ZFPM1: variants seen among roughly 807,000 people sequenced by gnomAD.
ZFPM1 encodes zinc finger protein ZFPM1.
In ZFPM1, 28 loss-of-function variants were observed where a neutral mutation model predicts 46.3. That is an observed-to-expected ratio of 0.60 (90% CI 0.45 to 0.83). The LOEUF (loss-of-function observed/expected upper bound fraction) is 0.83, where lower values mean the gene tolerates loss of function less well. Among genes scored for constraint, ZFPM1 ranks in the 40% least tolerant of loss-of-function variants. The pLI, the probability that ZFPM1 is intolerant of heterozygous loss-of-function variation, is 0.00. For missense variants in ZFPM1, 1,878 were observed against 1,432.4 expected (o/e 1.31, Z -5.02); for synonymous variants, 957 against 675.9 (o/e 1.42, Z -6.45).
intron 1 of ZFPM1, among the ~76,000 whole-genome samples, chr16:88,468,595 C>A (rs1908268491): frequency 6.6e-6 from 1 of 152,122 alleles, no homozygotes. Flanking sequence ...TGCACTGTAA[C>A]TGAAGCCCCC....
chr16:88,453,020 A>G (rs979892948), upstream of ZFPM1, among the ~76,000 whole-genome samples: 1 of 149,132 alleles, frequency 6.7e-6, no homozygotes, highest in East Asian at 2.0e-4. Context: ...GAAGGCCCAG[A>G]CGGACAGGGG....
chr16:88,483,115 T>C (rs1007907328), intron 1 of ZFPM1, among the ~76,000 whole-genome samples: 2 of 152,092 alleles, frequency 1.3e-5, no homozygotes, highest in Non-Finnish European at 2.9e-5. Context: ...GGCTGGCTCC[T>C]GTGTGGTCTG....
chr16:88,453,203 C>T, upstream of ZFPM1: 1 of 101,668 alleles, frequency 9.8e-6, no homozygotes, highest in South Asian at 3.4e-4. Context: ...AGGCACGGGG[C>T]GGGGCCGGAG....
intron 3 of ZFPM1, among the ~76,000 whole-genome samples, chr16:88,489,785 A>G (rs1433983108): frequency 1.3e-5 from 2 of 152,246 alleles, no homozygotes; most frequent in Non-Finnish European, 2.9e-5. Flanking sequence ...GGGACTGTGA[A>G]TTCCATTCAT....
At chr16:88,460,243 C>G (rs1907756029) in intron 1 of ZFPM1, among the ~76,000 whole-genome samples, 1 of 152,158 alleles carries the variant, frequency 6.6e-6, no homozygotes, top group Admixed American at 6.5e-5. Context: ...AGCGAGAGGC[C>G]CAGGGTTTAT....
At chr16:88,524,002 G>C (rs940865369) in intron 4 of ZFPM1, among the ~76,000 whole-genome samples, 3 of 152,228 alleles carry the variant, frequency 2.0e-5, no homozygotes, top group Non-Finnish European at 4.4e-5. Context: ...GTTGCGGCGC[G>C]TGTTTTTATC....
At chr16:88,458,586 G>A (rs533152976) in intron 1 of ZFPM1, among the ~76,000 whole-genome samples, 18 of 152,264 alleles carry the variant, frequency 1.2e-4, no homozygotes, top group Admixed American at 2.6e-4. Flanking sequence ...TAATACTCCC[G>A]CTGGCCTATC....
chr16:88,503,161 C>T (rs12444115), intron 3 of ZFPM1, among the ~76,000 whole-genome samples: 8,135 of 152,180 alleles, frequency 0.053, 257 homozygotes, highest in South Asian at 0.12. Context: ...TCCTGAGCAG[C>T]GGCACAGGGG....
chr16:88,493,014 G>GGGAGCAGAGAGCTGTCCCA, intron 3 of ZFPM1, among the ~76,000 whole-genome samples: 1 of 151,246 alleles, frequency 6.6e-6, no homozygotes, highest in African/African-American at 2.4e-5. Context: ...GAGCTGTCCC[G>GGGAGCAGAGAGCTGTCCCA]GGGTATGGAG....
intron 3 of ZFPM1, among the ~76,000 whole-genome samples, chr16:88,506,890 C>A (rs1037701070): frequency 6.6e-6 from 1 of 152,242 alleles, no homozygotes; most frequent in Admixed American, 6.5e-5. Context: ...TCACCCGCGT[C>A]TCATCCGCCT....
chr16:88,475,811 G>A (rs928882413), intron 1 of ZFPM1, among the ~76,000 whole-genome samples: 1 of 152,198 alleles, frequency 6.6e-6, no homozygotes, highest in Non-Finnish European at 1.5e-5. Flanking sequence ...GCCTGCAGCC[G>A]ATGCTGCCTG....
At chr16:88,487,504 C>T (rs1909298426) in intron 2 of ZFPM1, among the ~76,000 whole-genome samples, 1 of 152,284 alleles carries the variant, frequency 6.6e-6, no homozygotes, top group Admixed American at 6.5e-5. Context: ...GAGGCAGTGA[C>T]AGCAGGTCCA....
Position 88,533,777 on chromosome 16 carries a change from G to A in ZFPM1, c.1819G>A (p.Glu607Lys), listed in dbSNP as rs1321791197. The change falls in exon 10 of 10, where the codon GAG becomes AAG. Residue 607 changes from glutamate (E) to lysine (K), a missense_variant. Transcript: ENST00000319555. Reference sequence around the variant, plus strand: ...CTACTGTTCAGGCCGCCGTGCGCCCGAGGACGCGCCTGCCGCGCGCAGGCC... The same window carrying A: ...CTACTGTTCAGGCCGCCGTGCGCCCAAGGACGCGCCTGCCGCGCGCAGGCC... ...RLYCSGRRAP[E>K]DAPAARRPKA... 7.2e-7 allele frequency: 1 copy of A among 1,384,188 alleles called. No homozygotes were observed. The highest frequency in any genetic ancestry group is 9.5e-7 in the Non-Finnish European group (1 of 1,057,002). 85.7% of individuals were successfully genotyped at this position (1,384,188 alleles called of 1,614,324 possible). A position where few individuals can be genotyped will look rare whatever the true frequency, so the allele number is the denominator to read the frequency against.
chr16:88,504,886 C>T (rs1189989421), intron 3 of ZFPM1, among the ~76,000 whole-genome samples: 1 of 152,148 alleles, frequency 6.6e-6, no homozygotes, highest in Non-Finnish European at 1.5e-5. Context: ...CACCCCCTCC[C>T]CAGGACAGGC....
At chr16:88,522,662 A>G (rs573288531) in intron 4 of ZFPM1, among the ~76,000 whole-genome samples, 1 of 152,342 alleles carries the variant, frequency 6.6e-6, no homozygotes, top group South Asian at 2.1e-4. Flanking sequence ...GAAACAAGGA[A>G]CATTCTCAGG....
chr16:88,459,923 G>C lies in ZFPM1; in HGVS notation c.40+6245G>C, dbSNP rs115387549. On this transcript the variant is annotated intron_variant, in intron 1 of 9. Coordinates refer to ENST00000319555, the MANE Select transcript of ZFPM1 (RefSeq NM_153813.3). ...ACAGCCCAGCATGTGAAACACACAGGGGCCCTGCCTTGGAAGGGCCCCTCA... is the reference window on the plus strand; with the variant it reads ...ACAGCCCAGCATGTGAAACACACAGCGGCCCTGCCTTGGAAGGGCCCCTCA... Among the ~76,000 whole-genome samples the C allele has an allele frequency of 3.6e-3, 540 of 150,852 alleles. 3 individuals carry two copies. The highest frequency in any genetic ancestry group is 0.013 in the African/African-American group (520 of 40,962).
At chr16:88,468,423 C>T (rs1425089733) in intron 1 of ZFPM1, among the ~76,000 whole-genome samples, 2 of 152,170 alleles carry the variant, frequency 1.3e-5, no homozygotes, top group African/African-American at 2.4e-5. Flanking sequence ...TCTCAACAGG[C>T]CCCCACAGGA....
chr16:88,483,852 C>T (rs747782489), intron 1 of ZFPM1, among the ~76,000 whole-genome samples: 21 of 152,200 alleles, frequency 1.4e-4, no homozygotes, highest in Admixed American at 2.6e-4. Flanking sequence ...AGTCCAAACG[C>T]GCAGAAAATC....
intron 7 of ZFPM1, 84 bp from the exon 8 acceptor site, chr16:88,532,530 C>A: frequency 7.2e-7 from 1 of 1,395,488 alleles, no homozygotes; most frequent in Non-Finnish European, 9.8e-7. Flanking sequence ...CAGATCACGG[C>A]CCTGGGCCCA....
Sources: gnomAD v4.1 joint callset for allele counts (sites outside exome capture counted in the v4.1 genomes callset) on GRCh38, gnomAD v4.1.1 for gene constraint, MANE v1.5 for transcripts, NCBI Gene and HGNC (gene_info 2026-07-23, HGNC 2026-07-21) for gene names.